The following TLE5 variants were observed in gnomAD, a reference collection of about 807,000 sequenced individuals.
The protein encoded by TLE5 is TLE family member 5, transcriptional modulator, also known as TLE family member 5.
In TLE5, 7 loss-of-function variants were observed where a neutral mutation model predicts 25.8. That is an observed-to-expected ratio of 0.27 (90% CI 0.15 to 0.51). The LOEUF is 0.51. TLE5 is among the 20% of genes least tolerant of loss of function. The pLI is 0.97. For missense variants in TLE5, 149 were observed against 250.7 expected (o/e 0.59, Z 2.74); for synonymous variants, 132 against 110.5 (o/e 1.20, Z -1.22).
At chr19:3,057,353 C>T in intron 3 of TLE5, 1 of 369,088 alleles carries the variant, frequency 2.7e-6, no homozygotes, top group Admixed American at 4.0e-5. Flanking sequence ...CTCGGCTGCT[C>T]CCCCACGTCA....
intron 5 of TLE5, chr19:3,055,130 C>G (rs2090206069): frequency 6.6e-6 from 1 of 152,402 alleles, no homozygotes; most frequent in Non-Finnish European, 1.5e-5. Context: ...GCTGCACATT[C>G]CTGCATGCGT....
chr19:3,054,502 C>T (rs930855854), intron 5 of TLE5: 12 of 511,788 alleles, frequency 2.3e-5, no homozygotes, highest in Non-Finnish European at 4.3e-5. Flanking sequence ...GGATCCTGAC[C>T]TATCCTATGT....
In TLE5 at chr19:3,055,446, G is replaced by C. The variant is rs569567589; in HGVS notation, c.297+218C>G. The C allele has an allele frequency of 3.6e-5, 14 of 389,630 alleles. No individual in the cohort carries two copies. The Admixed American group carries it at 6.1e-4, about 17-fold the overall frequency. The allele number at this position is 389,630 out of a possible 1,614,324, so 24.1% of individuals were successfully genotyped here. Reference sequence around the variant, plus strand: ...ACTCCAGCTGGGAATTCCAGAGCAGGGTGAGGCCCGCCCCCCACACGCCTG... The same window carrying C: ...ACTCCAGCTGGGAATTCCAGAGCAGCGTGAGGCCCGCCCCCCACACGCCTG... On this transcript the variant is annotated intron_variant, in intron 5 of 6. Coordinates refer to ENST00000327141, the MANE Select transcript of TLE5 (RefSeq NM_001130.6).
Position 3,055,651 on chromosome 19 carries a change from C to A in TLE5, c.297+13G>T. 1 of 1,586,964 alleles carries A rather than the reference C, an allele frequency of 6.3e-7. No individual in the cohort carries two copies. The highest frequency in any genetic ancestry group is 8.6e-7 in the Non-Finnish European group (1 of 1,168,420). On this transcript the variant is annotated intron_variant, in intron 5 of 6. Coordinates refer to ENST00000327141, the MANE Select transcript of TLE5 (RefSeq NM_001130.6). Reference sequence around the variant, plus strand: ...GCCCCCTCACAACCCCTCCCCAAGGCCCTGGCTCTTACCTCTTGGGAGAGG... The same window carrying A: ...GCCCCCTCACAACCCCTCCCCAAGGACCTGGCTCTTACCTCTTGGGAGAGG...
Position 3,053,933 on chromosome 19 carries a change from G to T in TLE5, c.480C>A (p.Gly160=). The T allele has an allele frequency of 6.2e-7, 1 of 1,612,612 alleles. No homozygotes were observed. The highest frequency in any genetic ancestry group is 8.5e-7 in the Non-Finnish European group (1 of 1,179,854). ...GCGCGGACAGCGAGAGGAGGCCGGT[G>T]CCTGCGCTGACCGCCGGCAGCGAAG... The part of the protein sequence containing the change: ...QPPSLPAVSA[G]TGLLSLSALG... Residue 160 remains glycine (G), a synonymous_variant, in exon 7 of 7, where the codon GGC becomes GGA. Transcript: ENST00000327141.
At chr19:3,054,087 C>CGGGGGGGGGGGCG in intron 6 of TLE5, 33 bp downstream of exon 6, 2 of 1,476,436 alleles carry the variant, frequency 1.4e-6, no homozygotes, top group Non-Finnish European at 1.8e-6. Flanking sequence ...GCCCACCTGT[C>CGGGGGGGGGGGCG]CCCCGCCCAC....
intron 2 of TLE5, among the ~76,000 whole-genome samples, chr19:3,058,868 A>AC (rs1481621040): frequency 2.1e-4 from 31 of 150,526 alleles, no homozygotes; most frequent in Admixed American, 2.1e-3. Flanking sequence ...TGCCATCCCC[A>AC]CCCCCTCTCG....
In TLE5 at chr19:3,055,652, C is replaced by A; in HGVS notation, c.297+12G>T. ...CCCCCTCACAACCCCTCCCCAAGGC[C>A]CTGGCTCTTACCTCTTGGGAGAGGT... On this transcript the variant is annotated intron_variant, in intron 5 of 6. Coordinates refer to ENST00000327141, the MANE Select transcript of TLE5 (RefSeq NM_001130.6). The A allele has an allele frequency of 1.9e-6, 3 of 1,588,116 alleles. No homozygotes were observed. Among genetic ancestry groups the A allele is most frequent in the Non-Finnish European group, 1.7e-6 (2 of 1,168,870 alleles).
rs1568262222 is a variant in TLE5, at chr19:3,053,730, C to T, written c.*89G>A. The T allele has an allele frequency of 2.1e-6, 3 of 1,427,612 alleles. No individual in the cohort carries two copies. The East Asian group carries it at 7.1e-5, about 34-fold the overall frequency. The allele number at this position is 1,427,612 out of a possible 1,614,324, so 88.4% of individuals were successfully genotyped here. A position where few individuals can be genotyped will look rare whatever the true frequency, so the allele number is the denominator to read the frequency against. On this transcript the variant is annotated 3_prime_UTR_variant, in exon 7 of 7. Transcript: ENST00000327141. Reference sequence around the variant, plus strand: ...ATGGGAGTTTAGCCAATCCCGAGCTCCGCTGTGTCTTGTGCTAAACATTCC... The same window carrying T: ...ATGGGAGTTTAGCCAATCCCGAGCTTCGCTGTGTCTTGTGCTAAACATTCC...
At position 3,053,848 on chromosome 19, in the gene TLE5, G is replaced by C; in HGVS notation, c.565C>G (p.Gln189Glu). ...TCCGACTTCTCGCCATCATCCTCCT[G>C]GTGGGTGTCACCATCGTGCCCGTTC... ...DKNGHDGDTHQEDDGEKSD is the reference protein window; with the variant it reads ...DKNGHDGDTHEEDDGEKSD The change falls in exon 7 of 7, where the codon CAG becomes GAG. Residue 189 changes from glutamine (Q) to glutamate (E), a missense_variant. Transcript: ENST00000327141. The C allele has an allele frequency of 6.2e-7, 1 of 1,613,226 alleles. No homozygotes were observed. Among genetic ancestry groups the C allele is most frequent in the Non-Finnish European group, 8.5e-7 (1 of 1,179,986 alleles).
At chr19:3,060,665 A>C (rs1813561072) in intron 2 of TLE5, among the ~76,000 whole-genome samples, 1 of 152,074 alleles carries the variant, frequency 6.6e-6, no homozygotes, top group Admixed American at 6.6e-5. Flanking sequence ...AAGAGGACTA[A>C]ATAGTTCCTT....
At position 3,053,510 on chromosome 19, in the gene TLE5, C is replaced by A; in HGVS notation, c.*309G>T. On this transcript the variant is annotated 3_prime_UTR_variant, in exon 7 of 7. Coordinates refer to ENST00000327141, the MANE Select transcript of TLE5 (RefSeq NM_001130.6). ...GGGAAGGGCCGGGGCTGCTGCGCTTCGCGAGGTCTTGCTCCCTTGGGACCT... is the reference window on the plus strand; with the variant it reads ...GGGAAGGGCCGGGGCTGCTGCGCTTAGCGAGGTCTTGCTCCCTTGGGACCT... 1 of 452,202 alleles carries A rather than the reference C, an allele frequency of 2.2e-6. No homozygotes were observed. The highest frequency in any genetic ancestry group is 4.0e-6 in the Non-Finnish European group (1 of 251,132). The allele number at this position is 452,202 out of a possible 1,614,324, so 28.0% of individuals were successfully genotyped here. A position where few individuals can be genotyped will look rare whatever the true frequency, so the allele number is the denominator to read the frequency against.
At chr19:3,055,485 T>G in intron 5 of TLE5, 179 bp downstream of exon 5, 1 of 449,366 alleles carries the variant, frequency 2.2e-6, no homozygotes, top group Non-Finnish European at 3.8e-6. Flanking sequence ...CCCTGGAGTG[T>G]CTCTGGCCCG....
rs541997365 is a variant in TLE5, at chr19:3,053,193, G to A, written c.*626C>T. 6.6e-6 allele frequency: 1 copy of A among 152,194 alleles called. No individual in the cohort carries two copies. The highest frequency in any genetic ancestry group is 1.5e-5 in the Non-Finnish European group (1 of 68,116). The allele number at this position is 152,194 out of a possible 1,614,324, so 9.4% of individuals were successfully genotyped here. On this transcript the variant is annotated 3_prime_UTR_variant, in exon 7 of 7. Coordinates refer to ENST00000327141, the MANE Select transcript of TLE5 (RefSeq NM_001130.6). ...CTCATCTTTATTTGGGAAGGGGAGGGGGAATCCTGGGTCGCCCACCCTCAC... is the reference window on the plus strand; with the variant it reads ...CTCATCTTTATTTGGGAAGGGGAGGAGGAATCCTGGGTCGCCCACCCTCAC...
intron 1 of TLE5, among the ~76,000 whole-genome samples, chr19:3,061,702 GC>G (rs1373688457): frequency 6.6e-6 from 1 of 151,240 alleles, no homozygotes; most frequent in Admixed American, 6.6e-5. Context: ...TTCCGGGGGG[GC>G]CCAACCCCAG....
chr19:3,057,647 C>G (rs752286739), intron 3 of TLE5, 32 bp downstream of exon 3: 15 of 1,611,022 alleles, frequency 9.3e-6, no homozygotes, highest in Non-Finnish European at 1.3e-5. Context: ...CGCCCGCCCC[C>G]AACACTGGAC....
chr19:3,054,463 A>G, intron 5 of TLE5: 1 of 566,792 alleles, frequency 1.8e-6, no homozygotes, highest in East Asian at 3.0e-5. Flanking sequence ...GTTAGGAAAC[A>G]GCTTTTGAGT....
chr19:3,062,658 C>G (rs529614019), upstream of TLE5: 4 of 1,326,574 alleles, frequency 3.0e-6, no homozygotes, highest in Admixed American at 3.9e-5. Context: ...TGGGCCCGGC[C>G]CGCCCCCGCC....
intron 1 of TLE5, 65 bp from the exon 2 acceptor site, chr19:3,061,322 A>G (rs982283276): frequency 1.4e-5 from 19 of 1,315,444 alleles, no homozygotes; most frequent in Non-Finnish European, 1.2e-5. Context: ...AGGGCCGGCT[A>G]GGAGGGAGCG....
Sources: allele counts gnomAD v4.1 joint callset (sites outside exome capture counted in the v4.1 genomes callset), GRCh38; gene constraint gnomAD v4.1.1; transcripts MANE v1.5; gene names NCBI Gene and HGNC (gene_info 2026-07-23, HGNC 2026-07-21).